Variants in ZNF804A observed in about 807,000 individuals in gnomAD.
ZNF804A encodes zinc finger protein 804A.
Under a neutral mutation model 16.5 loss-of-function variants are expected in ZNF804A, and 2 were observed. That is an observed-to-expected ratio of 0.12 (90% confidence interval 0.05 to 0.38). The LOEUF is 0.38. ZNF804A is among the 10% of genes least tolerant of loss of function. The pLI, the probability that ZNF804A is intolerant of heterozygous loss-of-function variation, is 0.99. For missense variants in ZNF804A, 1,473 were observed against 1,390.7 expected, an observed-to-expected ratio of 1.06 and a Z score of -0.94; for synonymous variants, 534 against 489.6, an observed-to-expected ratio of 1.09 and a Z score of -1.20.
intron 1 of ZNF804A, among the ~76,000 whole-genome samples, chr2:184,793,122 G>C (rs1359351236): frequency 6.6e-6 from 1 of 152,024 alleles, no homozygotes; most frequent in African/African-American, 2.4e-5. Context: ...TTTTGTGGCT[G>C]CATAGTATTC....
chr2:184,899,871 G>A (rs907980115), intron 2 of ZNF804A, among the ~76,000 whole-genome samples: 1 of 151,774 alleles, frequency 6.6e-6, no homozygotes, highest in Non-Finnish European at 1.5e-5. Flanking sequence ...TTTTTCTAAT[G>A]TTGCAAAAGT....
chr2:184,702,832 A>G (rs996207776), intron 1 of ZNF804A, among the ~76,000 whole-genome samples: 1 of 152,116 alleles, frequency 6.6e-6, no homozygotes, highest in Non-Finnish European at 1.5e-5. Flanking sequence ...TGTTATGTGT[A>G]TATGTTATGT....
intron 2 of ZNF804A, among the ~76,000 whole-genome samples, chr2:184,894,220 A>G (rs1410453320): frequency 1.3e-5 from 2 of 152,186 alleles, no homozygotes; most frequent in African/African-American, 2.4e-5. Context: ...CTGATGCTGC[A>G]TTAAGCTTTA....
intron 1 of ZNF804A, among the ~76,000 whole-genome samples, chr2:184,849,107 G>GT (rs1695564698): frequency 6.6e-6 from 1 of 151,982 alleles, no homozygotes; most frequent in Admixed American, 6.6e-5. Context: ...TCTTAGAAAT[G>GT]TATCTTCAAA....
chr2:184,780,160 A>C (rs1317548261), intron 1 of ZNF804A, among the ~76,000 whole-genome samples: 1 of 151,784 alleles, frequency 6.6e-6, no homozygotes, highest in Non-Finnish European at 1.5e-5. Flanking sequence ...GCCCAGTAAA[A>C]TGTTTCCACA....
At chr2:184,694,288 T>C (rs1336993670) in intron 1 of ZNF804A, among the ~76,000 whole-genome samples, 12 of 152,072 alleles carry the variant, frequency 7.9e-5, no homozygotes. Flanking sequence ...TCTTCTGTTA[T>C]AAATTGCAAA....
chr2:184,760,555 A>G (rs917109192), intron 1 of ZNF804A, among the ~76,000 whole-genome samples: 2 of 152,130 alleles, frequency 1.3e-5, no homozygotes, highest in African/African-American at 2.4e-5. Flanking sequence ...TTAAGGTACT[A>G]TATCTTAATT....
At chr2:184,900,733 T>C (rs943833891) in intron 2 of ZNF804A, among the ~76,000 whole-genome samples, 2 of 152,138 alleles carry the variant, frequency 1.3e-5, no homozygotes, top group African/African-American at 4.8e-5. Context: ...GGACACAGAT[T>C]TGACACTTGT....
At position 184,820,132 on chromosome 2, in the gene ZNF804A, C is replaced by T. The variant is rs1388866379; in HGVS notation, c.112-46237C>T. The stretch of plus-strand genomic sequence containing the variant: ...ACAACAAACAAAGGAAACTTTAGGT[C>T]AATATCCCTGATGAACATTGATGCA... On this transcript the variant is annotated intron_variant, in intron 1 of 3. Coordinates refer to ENST00000302277, the MANE Select transcript of ZNF804A (RefSeq NM_194250.2). Among the ~76,000 whole-genome samples, 5 of 152,042 alleles carry T rather than the reference C, an allele frequency of 3.3e-5. No individual in the cohort carries two copies. In the East Asian group the frequency reaches 9.6e-4, roughly 29 times the overall value.
At chr2:184,724,725 A>T (rs1199572896) in intron 1 of ZNF804A, among the ~76,000 whole-genome samples, 1 of 151,782 alleles carries the variant, frequency 6.6e-6, no homozygotes, top group African/African-American at 2.4e-5. Flanking sequence ...AAAGAAGGGC[A>T]TGTAAATAAG....
In ZNF804A at chr2:184,645,426, A is replaced by G. The variant is rs955676619; in HGVS notation, c.111+46356A>G. 2.0e-5 allele frequency among the ~76,000 whole-genome samples: 3 copies of G among 152,202 alleles called. No homozygotes were observed. The South Asian group carries it at 6.2e-4, about 31-fold the overall frequency. On this transcript the variant is annotated intron_variant, in intron 1 of 3. Coordinates refer to ENST00000302277, the MANE Select transcript of ZNF804A (RefSeq NM_194250.2). Reference sequence around the variant, plus strand: ...AAAGATATGATGACCAAAATAGGCCAGTTTATTAGCAAAATAAAGTGACTT... The same window carrying G: ...AAAGATATGATGACCAAAATAGGCCGGTTTATTAGCAAAATAAAGTGACTT...
chr2:184,884,909 C>A (rs1684861841), intron 2 of ZNF804A, among the ~76,000 whole-genome samples: 1 of 152,100 alleles, frequency 6.6e-6, no homozygotes, highest in Non-Finnish European at 1.5e-5. Context: ...AAGAAACAGA[C>A]AACCTGCAGA....
chr2:184,914,324 T>G (rs991041552), intron 2 of ZNF804A, among the ~76,000 whole-genome samples: 1 of 152,166 alleles, frequency 6.6e-6, no homozygotes, highest in Non-Finnish European at 1.5e-5. Context: ...TGAGATAATG[T>G]GGGTGGATGG....
chr2:184,899,771 T>C (rs987473380), intron 2 of ZNF804A, among the ~76,000 whole-genome samples: 1 of 151,932 alleles, frequency 6.6e-6, no homozygotes, highest in Non-Finnish European at 1.5e-5. Context: ...TGAATATAAA[T>C]AAATCAAATA....
intron 1 of ZNF804A, among the ~76,000 whole-genome samples, chr2:184,851,547 C>T (rs549301494): frequency 1.3e-5 from 2 of 151,920 alleles, no homozygotes; most frequent in East Asian, 3.9e-4. Context: ...CATTCCACTG[C>T]GCATATATAC....
intron 1 of ZNF804A, among the ~76,000 whole-genome samples, chr2:184,758,153 A>T (rs145986473): frequency 6.6e-6 from 1 of 152,010 alleles, no homozygotes; most frequent in Non-Finnish European, 1.5e-5. Context: ...ATATTGCCAC[A>T]TATTTCTGTG....
chr2:184,663,917 A>G (rs1013239458), intron 1 of ZNF804A, among the ~76,000 whole-genome samples: 2 of 152,240 alleles, frequency 1.3e-5, no homozygotes, highest in Non-Finnish European at 2.9e-5. Flanking sequence ...GCAAATGATT[A>G]TAGGAAAGAA....
intron 1 of ZNF804A, among the ~76,000 whole-genome samples, chr2:184,660,668 T>C (rs1692158896): frequency 6.6e-6 from 1 of 152,228 alleles, no homozygotes; most frequent in South Asian, 2.1e-4. Context: ...GTGTTTGCCT[T>C]CTAGAAACGT....
In ZNF804A at chr2:184,616,829, A is replaced by G. The variant is rs190855142; in HGVS notation, c.111+17759A>G. Among the ~76,000 whole-genome samples the G allele has an allele frequency of 3.9e-4, 60 of 152,308 alleles. No homozygotes were observed. In the East Asian group the frequency reaches 9.5e-3, roughly 24 times the overall value. ...CTCTTTTCATAGGTTCTAAATCTTA[A>G]TATCTGTGGGATGGTGCAGGAATCT... On this transcript the variant is annotated intron_variant, in intron 1 of 3. Transcript: ENST00000302277.
Sources: gnomAD v4.1 joint callset for allele counts (sites outside exome capture counted in the v4.1 genomes callset) on GRCh38, gnomAD v4.1.1 for gene constraint, MANE v1.5 for transcripts, NCBI Gene and HGNC (gene_info 2026-07-23, HGNC 2026-07-21) for gene names.